Variants in PRKCA observed in about 807,000 individuals in gnomAD.
The protein encoded by PRKCA is protein kinase C alpha type.
Under a neutral mutation model 87.0 loss-of-function variants are expected in PRKCA, and 27 were observed. The observed-to-expected ratio is 0.31, with a 90% confidence interval of 0.23 to 0.43. PRKCA has a LOEUF of 0.43. Ranked by LOEUF, PRKCA falls within the 20% of genes least tolerant of loss-of-function variation. The probability of loss-of-function intolerance (pLI) is 1.00; values close to 1 mark genes in which losing one functional copy is unlikely to be tolerated. For missense variants in PRKCA, 518 were observed against 852.3 expected (o/e 0.61, Z 4.88); for synonymous variants, 329 against 311.1 (o/e 1.06, Z -0.61).
rs913874843 is a variant in PRKCA, at chr17:66,539,378, T to C, written c.288+43095T>C. On this transcript the variant is annotated intron_variant, in intron 3 of 16. Transcript: ENST00000413366. ...CCCTTTTGCAAGGCTAGTTATTTCA[T>C]TAAATTCATTTAATTTAAGCTTTGA... 2.0e-5 allele frequency among the ~76,000 whole-genome samples: 3 copies of C among 152,180 alleles called. No homozygotes were observed. The East Asian group carries it at 5.8e-4, about 29-fold the overall frequency.
rs117399893 is a variant in PRKCA at position 66,332,477 on chromosome 17, G to A, written c.205+26350G>A. On this transcript the variant is annotated intron_variant, in intron 2 of 16. Coordinates refer to ENST00000413366, the MANE Select transcript of PRKCA (RefSeq NM_002737.3). ...TCCTGACGTCAGGTGATCCCCCTGC[G>A]TCAGCCTCCCAAAGTGCTAGGGTTA... 6.1e-3 allele frequency among the ~76,000 whole-genome samples: 927 copies of A among 151,688 alleles called. 12 individuals carry two copies. Among genetic ancestry groups the A allele is most frequent in the African/African-American group, 0.021 (866 of 41,380 alleles).
At chr17:66,545,361 G>A (rs545717053) in intron 3 of PRKCA, among the ~76,000 whole-genome samples, 207 of 152,286 alleles carry the variant, frequency 1.4e-3, no homozygotes, top group Non-Finnish European at 1.8e-3. Context: ...CCCAAAAGGC[G>A]GAGCTTGCAG....
At chr17:66,484,391 A>G (rs961705593) in intron 2 of PRKCA, among the ~76,000 whole-genome samples, 2 of 152,214 alleles carry the variant, frequency 1.3e-5, no homozygotes, top group African/African-American at 4.8e-5. Context: ...GGTAGAAATA[A>G]TAGTAAATTG....
At chr17:66,649,198 C>T (rs550091454) in intron 5 of PRKCA, among the ~76,000 whole-genome samples, 1 of 152,112 alleles carries the variant, frequency 6.6e-6, no homozygotes, top group Admixed American at 6.5e-5. Context: ...CATCTTATTT[C>T]AGTATAAAAG....
At chr17:66,461,644 A>G (rs192660782) in intron 2 of PRKCA, among the ~76,000 whole-genome samples, 4 of 152,278 alleles carry the variant, frequency 2.6e-5, no homozygotes, top group Non-Finnish European at 5.9e-5. Context: ...ATGATGTAAC[A>G]TTTTCTGGGG....
Position 66,552,142 on chromosome 17 carries a change from T to C in PRKCA, c.288+55859T>C, listed in dbSNP as rs114011721. 5.0e-3 allele frequency among the ~76,000 whole-genome samples: 754 copies of C among 151,604 alleles called. 5 individuals carry two copies. Among genetic ancestry groups the C allele is most frequent in the African/African-American group, 0.017 (690 of 41,302 alleles). ...ACAAAATCCCATCTCTAGGAAAAAA[T>C]ACAAAATTAGCTGGGCATGGTGGTA... On this transcript the variant is annotated intron_variant, in intron 3 of 16. Coordinates refer to ENST00000413366, the MANE Select transcript of PRKCA (RefSeq NM_002737.3).
intron 3 of PRKCA, among the ~76,000 whole-genome samples, chr17:66,611,907 C>G (rs573776322): frequency 6.6e-6 from 1 of 152,098 alleles, no homozygotes; most frequent in South Asian, 2.1e-4. Context: ...ATTTGCGTTT[C>G]CCTATGGCTA....
rs560647933 is a variant in PRKCA, at chr17:66,555,910, T to C, written c.288+59627T>C. On this transcript the variant is annotated intron_variant, in intron 3 of 16. Transcript: ENST00000413366. The stretch of plus-strand genomic sequence containing the variant: ...TGTGTCATACCTTGGCAATGCGTGC[T>C]ACTAATTATTTTTTTGTTCCTGTCG... Among the ~76,000 whole-genome samples, 10 of 152,332 alleles carry C rather than the reference T, an allele frequency of 6.6e-5. 1 individual carries two copies. In the South Asian group the frequency reaches 2.1e-3, roughly 32 times the overall value.
intron 14 of PRKCA, among the ~76,000 whole-genome samples, chr17:66,780,616 G>T (rs1975181520): frequency 6.6e-6 from 1 of 151,912 alleles, no homozygotes; most frequent in Non-Finnish European, 1.5e-5. Flanking sequence ...GCGGAAGGTT[G>T]CAGTGAGCCA....
intron 10 of PRKCA, among the ~76,000 whole-genome samples, chr17:66,738,052 C>G (rs1054506958): frequency 6.6e-6 from 1 of 152,212 alleles, no homozygotes; most frequent in Non-Finnish European, 1.5e-5. Flanking sequence ...TAAACCCCTC[C>G]ATCTTCCTAT....
intron 3 of PRKCA, among the ~76,000 whole-genome samples, chr17:66,508,842 AGTT>A (rs1004306349): frequency 2.4e-4 from 37 of 151,826 alleles, no homozygotes; most frequent in African/African-American, 6.8e-4. Flanking sequence ...GTGGTACTCC[AGTT>A]GTTGTTGTTT....
chr17:66,529,077 G>T (rs1967449572), intron 3 of PRKCA, among the ~76,000 whole-genome samples: 1 of 152,074 alleles, frequency 6.6e-6, no homozygotes. Flanking sequence ...GCCTCTCTCT[G>T]GTTTTCAGTA....
intron 3 of PRKCA, among the ~76,000 whole-genome samples, chr17:66,517,974 A>T (rs1178366941): frequency 1.3e-5 from 2 of 152,212 alleles, no homozygotes; most frequent in Non-Finnish European, 2.9e-5. Context: ...TTGAAATAGA[A>T]TAACCAGAGA....
intron 14 of PRKCA, among the ~76,000 whole-genome samples, chr17:66,782,477 G>A (rs550523744): frequency 5.2e-4 from 79 of 152,290 alleles, no homozygotes; most frequent in African/African-American, 1.9e-3. Flanking sequence ...ATTTGGGGAA[G>A]CAACACAGAA....
chr17:66,591,121 G>C (rs538369354), intron 3 of PRKCA, among the ~76,000 whole-genome samples: 1 of 152,218 alleles, frequency 6.6e-6, no homozygotes, highest in East Asian at 1.9e-4. Context: ...ATACATGTAA[G>C]CTTTTATTAT....
intron 3 of PRKCA, among the ~76,000 whole-genome samples, chr17:66,617,423 G>A (rs1345272332): frequency 2.6e-5 from 4 of 152,278 alleles, no homozygotes; most frequent in African/African-American, 9.6e-5. Context: ...GATATCAAAG[G>A]GGGAGGATTA....
intron 8 of PRKCA, among the ~76,000 whole-genome samples, chr17:66,715,607 G>A (rs1384731623): frequency 6.6e-6 from 1 of 152,206 alleles, no homozygotes; most frequent in Non-Finnish European, 1.5e-5. Context: ...TAGAAATAGA[G>A]CACCCAGAGA....
At chr17:66,587,798 CGTAT>C (rs1567917047) in intron 3 of PRKCA, among the ~76,000 whole-genome samples, 1,270 of 84,764 alleles carry the variant, frequency 0.015, 79 homozygotes, top group African/African-American at 0.021. Flanking sequence ...TACATATATA[CGTAT>C]ATGTGTGTGT....
At position 66,445,015 on chromosome 17, in the gene PRKCA, G is replaced by A. The variant is rs76774321; in HGVS notation, c.206-51186G>A. On this transcript the variant is annotated intron_variant, in intron 2 of 16. Transcript: ENST00000413366. ...GCCCTTTGCTCTGCTAAACACATAG[G>A]TACTGGATGGAGTTTGTAGCAACAT... Among the ~76,000 whole-genome samples the A allele has an allele frequency of 3.6e-3, 544 of 152,198 alleles. 3 individuals are homozygous for A. The highest frequency in any genetic ancestry group is 0.012 in the African/African-American group (510 of 41,504).
Sources: allele counts gnomAD v4.1 joint callset (sites outside exome capture counted in the v4.1 genomes callset), GRCh38; gene constraint gnomAD v4.1.1; transcripts MANE v1.5; gene names NCBI Gene and HGNC (gene_info 2026-07-23, HGNC 2026-07-21).